The following LY6L variants were observed in gnomAD, a reference collection of about 807,000 sequenced individuals.
LY6L encodes the protein lymphocyte antigen 6L.
A neutral mutation model predicts 8.3 loss-of-function variants in LY6L; 8 were observed. The ratio of observed to expected loss-of-function variants is 0.97; its 90% CI spans 0.57 to 1.74. The LOEUF (loss-of-function observed/expected upper bound fraction) is 1.74. Among genes scored for constraint, LY6L ranks in the 40% most tolerant of loss-of-function variants. The probability of loss-of-function intolerance (pLI) is 0.00; values close to 1 mark genes in which losing one functional copy is unlikely to be tolerated. For missense variants in LY6L, 156 were observed against 183.8 expected, an observed-to-expected ratio of 0.85 and a Z score of 0.87; for synonymous variants, 79 against 77.9, an observed-to-expected ratio of 1.01 and a Z score of -0.07.
intron 1 of LY6L, 121 bp downstream of exon 1, chr8:143,080,780 A>C: frequency 2.2e-6 from 1 of 451,980 alleles, no homozygotes; most frequent in Admixed American, 3.9e-5. Flanking sequence ...GCCCAGGGAG[A>C]GGGAATGCGG....
Position 143,082,824 on chromosome 8 carries a change from A to C in LY6L, c.*173A>C. 1 of 564,704 alleles carries C rather than the reference A, an allele frequency of 1.8e-6. No individual in the cohort carries two copies. Among genetic ancestry groups the C allele is most frequent in the Non-Finnish European group, 3.0e-6 (1 of 335,946 alleles). The allele number at this position is 564,704 out of a possible 1,614,324, so 35.0% of individuals were successfully genotyped here. On this transcript the variant is annotated 3_prime_UTR_variant, in exon 4 of 4. Coordinates refer to ENST00000562505, the MANE Select transcript of LY6L (RefSeq NM_001368160.2). ...GGATCTAGCCACCTCACTCCTCCCC[A>C]CCGGGGGCCCCTTTGCTGGAGAACC...
In LY6L at chr8:143,083,217, G is replaced by A. The variant is rs1461561656; in HGVS notation, c.*566G>A. ...CCGGTGTTGGGTGATGGGGAAGGAC[G>A]GTGCCTCTGGTGTTGGTGGTGGGAA... On this transcript the variant is annotated 3_prime_UTR_variant, in exon 4 of 4. Transcript: ENST00000562505. Among the ~76,000 whole-genome samples the A allele has an allele frequency of 1.3e-5, 2 of 152,106 alleles. No homozygotes were observed. Among genetic ancestry groups the A allele is most frequent in the Admixed American group, 6.5e-5 (1 of 15,280 alleles).
At position 143,081,217 on chromosome 8, in the gene LY6L, A is replaced by T; in HGVS notation, c.80A>T (p.Asn27Ile). The part of the protein sequence containing the change: ...SAGCATTPAR[N>I]LSCYQCFKVS... ...CCCCGCTTGCTGCCCACAGCTCGCAACCTGAGCTGCTACCAGTGCTTCAAG... is the reference window on the plus strand; with the variant it reads ...CCCCGCTTGCTGCCCACAGCTCGCATCCTGAGCTGCTACCAGTGCTTCAAG... Residue 27 changes from asparagine to isoleucine, a missense_variant, in exon 3 of 4, where the codon AAC becomes ATC. By Grantham distance (149) the Asn-to-Ile change is moderately radical. Transcript: ENST00000562505. The T allele has an allele frequency of 6.5e-7, 1 of 1,530,594 alleles. No individual in the cohort carries two copies. Among genetic ancestry groups the T allele is most frequent in the Middle Eastern group, 1.7e-4 (1 of 5,964 alleles). 94.8% of individuals were successfully genotyped at this position (1,530,594 alleles called of 1,614,324 possible).
chr8:143,081,283 C>G lies in LY6L; in HGVS notation c.146C>G (p.Pro49Arg), dbSNP rs1297836609. The G allele has an allele frequency of 6.5e-7, 1 of 1,533,392 alleles. No homozygotes were observed. Among genetic ancestry groups the G allele is most frequent in the South Asian group, 1.2e-5 (1 of 83,880 alleles). The allele number at this position is 1,533,392 out of a possible 1,614,324, so 95.0% of individuals were successfully genotyped here. Residue 49 changes from proline to arginine, a missense_variant, in exon 3 of 4, where the codon CCG becomes CGG. By Grantham distance (103) the Pro-to-Arg change is moderately radical. Transcript: ENST00000562505. ...WTECPPTWCS[P>R]LDQVCISNEV... ...GAGTGCCCGCCCACCTGGTGCAGCCCGCTGGACCAAGTCTGCATCTCCAAC... is the reference window on the plus strand; with the variant it reads ...GAGTGCCCGCCCACCTGGTGCAGCCGGCTGGACCAAGTCTGCATCTCCAAC...
rs980202286 is a variant in LY6L, at chr8:143,083,263, G to A, written c.*612G>A. ...GGGAAAGACAGTGTCTCTGGTGGGC[G>A]ATGGCCCCTTGCATGAGGCCCCTTG... On this transcript the variant is annotated 3_prime_UTR_variant, in exon 4 of 4. Transcript: ENST00000562505. Among the ~76,000 whole-genome samples, 20 of 152,164 alleles carry A rather than the reference G, an allele frequency of 1.3e-4. No homozygotes were observed. Among genetic ancestry groups the A allele is most frequent in the Non-Finnish European group, 2.4e-4 (16 of 68,022 alleles).
rs1820453710 is a variant in LY6L, at chr8:143,082,730, C to T, written c.*79C>T. On this transcript the variant is annotated 3_prime_UTR_variant, in exon 4 of 4. Coordinates refer to ENST00000562505, the MANE Select transcript of LY6L (RefSeq NM_001368160.2). ...CTCCAACTGCCATCCTGCCTCCGCCCCTTCCAGGACACTGGGGGGGGACCC... is the reference window on the plus strand; with the variant it reads ...CTCCAACTGCCATCCTGCCTCCGCCTCTTCCAGGACACTGGGGGGGGACCC... The T allele has an allele frequency of 1.7e-6, 2 of 1,158,010 alleles. No homozygotes were observed. Among genetic ancestry groups the T allele is most frequent in the South Asian group, 1.7e-5 (1 of 57,748 alleles). The allele number at this position is 1,158,010 out of a possible 1,614,324, so 71.7% of individuals were successfully genotyped here.
chr8:143,081,633 G>A (rs956800758), intron 3 of LY6L, among the ~76,000 whole-genome samples: 1 of 152,184 alleles, frequency 6.6e-6, no homozygotes, highest in Non-Finnish European at 1.5e-5. Flanking sequence ...TCGAGGCGAT[G>A]GGTTATCTGC....
intron 1 of LY6L, among the ~76,000 whole-genome samples, 172 bp downstream of exon 1, chr8:143,080,831 G>C (rs1332753656): frequency 6.6e-6 from 1 of 152,038 alleles, no homozygotes; most frequent in African/African-American, 2.4e-5. Context: ...GAGCCTGGGG[G>C]TGGGGGTTGC....
intron 1 of LY6L, 95 bp from the exon 2 acceptor site, chr8:143,080,941 G>GAC: frequency 1.1e-6 from 1 of 881,412 alleles, no homozygotes; most frequent in Non-Finnish European, 1.7e-6. Context: ...TGGGATGGGG[G>GAC]GTGCGCCCTG....
chr8:143,081,431 G>A, intron 3 of LY6L, 104 bp downstream of exon 3: 3 of 684,490 alleles, frequency 4.4e-6, no homozygotes, highest in South Asian at 2.1e-5. Context: ...CCAGGGCCTG[G>A]GGCCCTGTGG....
chr8:143,081,118 C>T lies in LY6L; in HGVS notation c.65C>T (p.Thr22Met), dbSNP rs1197323117. ...GCTGTGGCGTCTGCTGGCTGCGCCA[C>T]GACGCCAGGTAAGGCGCGGCCCGGG... The part of the protein sequence containing the change: ...PLAVASAGCA[T>M]TPARNLSCYQ... Residue 22 changes from threonine to methionine, a missense_variant, in exon 2 of 4, where the codon ACG becomes ATG. Coordinates refer to ENST00000562505, the MANE Select transcript of LY6L (RefSeq NM_001368160.2). 1.3e-6 allele frequency: 2 copies of T among 1,534,720 alleles called. No individual in the cohort carries two copies. Among genetic ancestry groups the T allele is most frequent in the Admixed American group, 3.9e-5 (2 of 50,964 alleles).
At position 143,081,849 on chromosome 8, in the gene LY6L, G is replaced by A. The variant is rs556595636; in HGVS notation, c.190+522G>A. Among the ~76,000 whole-genome samples the A allele has an allele frequency of 4.6e-5, 7 of 151,700 alleles. No homozygotes were observed. In the South Asian group the frequency reaches 8.4e-4, roughly 18 times the overall value. Reference sequence around the variant, plus strand: ...AAAATAGAATGCAACACAACACACCGTAACACTCTATGACACATAAGGGCG... The same window carrying A: ...AAAATAGAATGCAACACAACACACCATAACACTCTATGACACATAAGGGCG... On this transcript the variant is annotated intron_variant, in intron 3 of 3. Transcript: ENST00000562505.
In LY6L at chr8:143,081,300, A is replaced by G. The variant is rs1293941893; in HGVS notation, c.163A>G (p.Ile55Val). ...TWCSPLDQVC[I>V]SNEVVVSFKW... ...GTGCAGCCCGCTGGACCAAGTCTGCATCTCCAACGAGGTGGTCGTCTCTTT... is the reference window on the plus strand; with the variant it reads ...GTGCAGCCCGCTGGACCAAGTCTGCGTCTCCAACGAGGTGGTCGTCTCTTT... The change falls in exon 3 of 4, where the codon ATC becomes GTC. Residue 55 changes from isoleucine (I) to valine (V), a missense_variant. Ile to Val is a conservative substitution (Grantham distance 29, BLOSUM62 3). Coordinates refer to ENST00000562505, the MANE Select transcript of LY6L (RefSeq NM_001368160.2). 6.5e-7 allele frequency: 1 copy of G among 1,531,932 alleles called. No individual in the cohort carries two copies. The highest frequency in any genetic ancestry group is 2.0e-5 in the Admixed American group (1 of 50,750). The allele number at this position is 1,531,932 out of a possible 1,614,324, so 94.9% of individuals were successfully genotyped here.
At position 143,080,706 on chromosome 8, in the gene LY6L, G is replaced by T. The variant is rs987180739; in HGVS notation, c.-19+47G>T. On this transcript the variant is annotated intron_variant, in intron 1 of 3. Transcript: ENST00000562505. ...CTGTGGGCCGGGGGCTGGGATGAGG[G>T]TCGGGCGAGAACGGGCTCCGAGGGT... 3 of 268,260 alleles carry T rather than the reference G, an allele frequency of 1.1e-5. No individual in the cohort carries two copies. The South Asian group carries it at 2.9e-4, about 26-fold the overall frequency. The allele number at this position is 268,260 out of a possible 1,614,324, so 16.6% of individuals were successfully genotyped here. A position where few individuals can be genotyped will look rare whatever the true frequency, so the allele number is the denominator to read the frequency against.
intron 3 of LY6L, among the ~76,000 whole-genome samples, 199 bp downstream of exon 3, chr8:143,081,526 T>C (rs1421417724): frequency 6.6e-6 from 1 of 152,158 alleles, no homozygotes; most frequent in Non-Finnish European, 1.5e-5. Context: ...TTCTCCTCCA[T>C]TTGAAGTGTC....
In LY6L at chr8:143,081,333, T is replaced by G; in HGVS notation, c.190+6T>G. The G allele has an allele frequency of 1.3e-6, 2 of 1,485,712 alleles. No homozygotes were observed. Among genetic ancestry groups the G allele is most frequent in the Non-Finnish European group, 1.8e-6 (2 of 1,113,470 alleles). 92.0% of individuals were successfully genotyped at this position (1,485,712 alleles called of 1,614,324 possible). On this transcript the variant is annotated splice_donor_region_variant and intron_variant, in intron 3 of 3. Transcript: ENST00000562505. ...CGAGGTGGTCGTCTCTTTTAGTGAG[T>G]CCCCCCCGGGCAGAGGGCAGGTGCC...
chr8:143,081,114 G>A lies in LY6L; in HGVS notation c.61G>A (p.Ala21Thr), dbSNP rs1423386375. 1 of 1,534,724 alleles carries A rather than the reference G, an allele frequency of 6.5e-7. No homozygotes were observed. ...GCTGGCTGTGGCGTCTGCTGGCTGC[G>A]CCACGACGCCAGGTAAGGCGCGGCC... ...LPLAVASAGCATTPARNLSCY... is the reference protein window; with the variant it reads ...LPLAVASAGCTTTPARNLSCY... The change falls in exon 2 of 4, where the codon GCC becomes ACC. Residue 21 changes from alanine (A) to threonine (T), a missense_variant. By Grantham distance (58) the Ala-to-Thr change is moderately conservative (BLOSUM62 0). Coordinates refer to ENST00000562505, the MANE Select transcript of LY6L (RefSeq NM_001368160.2).
At chr8:143,081,349 G>A in intron 3 of LY6L, 22 bp downstream of exon 3, 1 of 1,434,864 alleles carries the variant, frequency 7.0e-7, no homozygotes, top group Non-Finnish European at 9.3e-7. Flanking sequence ...CCGGGCAGAG[G>A]GCAGGTGCCA....
In LY6L at chr8:143,081,143, G is replaced by A; in HGVS notation, c.73+17G>A. 1 of 1,533,746 alleles carries A rather than the reference G, an allele frequency of 6.5e-7. No individual in the cohort carries two copies. Among genetic ancestry groups the A allele is most frequent in the Non-Finnish European group, 8.7e-7 (1 of 1,145,614 alleles). ...CGACGCCAGGTAAGGCGCGGCCCGG[G>A]CTGGGCTGGGGGCGTCGGGGCTGGA... On this transcript the variant is annotated intron_variant, in intron 2 of 3. Coordinates refer to ENST00000562505, the MANE Select transcript of LY6L (RefSeq NM_001368160.2).
Sources: allele counts gnomAD v4.1 joint callset (sites outside exome capture counted in the v4.1 genomes callset), GRCh38; gene constraint gnomAD v4.1.1; transcripts MANE v1.5; gene names NCBI Gene and HGNC (gene_info 2026-07-23, HGNC 2026-07-21).